ZNF597: variants seen among roughly 807,000 people sequenced by gnomAD.
ZNF597 encodes the protein zinc finger protein 597.
Under a neutral mutation model 7.3 loss-of-function variants are expected in ZNF597, and 5 were observed. The ratio of observed to expected loss-of-function variants is 0.68; its 90% CI spans 0.36 to 1.44. The LOEUF (loss-of-function observed/expected upper bound fraction) is 1.44, where lower values mean the gene tolerates loss of function less well. ZNF597 is among the 40% of genes most tolerant of loss of function. The probability of loss-of-function intolerance (pLI) is 0.04; values close to 1 mark genes in which losing one functional copy is unlikely to be tolerated. For missense variants in ZNF597, 585 were observed against 517.9 expected (o/e 1.13, Z -1.26); for synonymous variants, 209 against 185.4 (o/e 1.13, Z -1.04).
In ZNF597 at chr16:3,436,616, G is replaced by A. The variant is rs1159704003; in HGVS notation, c.1083C>T (p.Asn361=). Residue 361 remains asparagine (N), a synonymous_variant, in exon 4 of 4, where the codon AAC becomes AAT. Coordinates refer to ENST00000301744, the MANE Select transcript of ZNF597 (RefSeq NM_152457.3). Reference sequence around the variant, plus strand: ...TATGGGGCCTTTCCTCTGTATGAATGTTCTGATGGGAAATAAGCTCAGAGA... The same window carrying A: ...TATGGGGCCTTTCCTCTGTATGAATATTCTGATGGGAAATAAGCTCAGAGA... The part of the protein sequence containing the change: ...PCFSELISHQ[N]IHTEERPHKC... 2 of 1,605,458 alleles carry A rather than the reference G, an allele frequency of 1.2e-6. No individual in the cohort carries two copies. Among genetic ancestry groups the A allele is most frequent in the Non-Finnish European group, 1.7e-6 (2 of 1,175,328 alleles).
rs2034310020 is a variant in ZNF597 at position 3,436,933 on chromosome 16, C to G, written c.766G>C (p.Ala256Pro). Residue 256 changes from alanine to proline, a missense_variant, in exon 4 of 4, where the codon GCA becomes CCA. Ala to Pro is a conservative substitution (Grantham distance 27, BLOSUM62 -1). Coordinates refer to ENST00000301744, the MANE Select transcript of ZNF597 (RefSeq NM_152457.3). ...GCACTGTGGCTTTTCTGATGCTGTG[C>G]CAATCCTGGGAGCCACATAAAACCT... ...GRGFMWLPGL[A>P]QHQKSHSAEN... is the part of the protein sequence containing the mutation. 6.2e-7 allele frequency: 1 copy of G among 1,614,020 alleles called. No homozygotes were observed. Among genetic ancestry groups the G allele is most frequent in the Admixed American group, 1.7e-5 (1 of 60,000 alleles).
In ZNF597 at chr16:3,434,096, G is replaced by A. The variant is rs140661144; in HGVS notation, c.*2328C>T. On this transcript the variant is annotated 3_prime_UTR_variant, in exon 4 of 4. Transcript: ENST00000301744. ...TCTCACTTTCTGCTATATTTTCTAG[G>A]AGCCAAAACAAAAATGACAGCATAC... The A allele has an allele frequency of 6.6e-6, 1 of 152,136 alleles. No individual in the cohort carries two copies. The highest frequency in any genetic ancestry group is 1.5e-5 in the Non-Finnish European group (1 of 68,026). The allele number at this position is 152,136 out of a possible 1,614,324, so 9.4% of individuals were successfully genotyped here.
chr16:3,437,962 C>G (rs893972549), intron 3 of ZNF597, among the ~76,000 whole-genome samples: 7 of 152,186 alleles, frequency 4.6e-5, no homozygotes, highest in African/African-American at 1.4e-4. Flanking sequence ...GGCAGTGTCT[C>G]ACGTCTGTAA....
Position 3,436,951 on chromosome 16 carries a change from T to A in ZNF597, c.748A>T (p.Met250Leu), listed in dbSNP as rs1220244306. ...YTCSICGRGF[M>L]WLPGLAQHQK... ...TGCTGTGCCAATCCTGGGAGCCACA[T>A]AAAACCTCTACCACATATGCTACAT... The change falls in exon 4 of 4, where the codon ATG (methionine) becomes TTG (leucine). Residue 250 changes from methionine (M) to leucine (L), a missense_variant. Coordinates refer to ENST00000301744, the MANE Select transcript of ZNF597 (RefSeq NM_152457.3). 1.9e-6 allele frequency: 3 copies of A among 1,614,216 alleles called. No homozygotes were observed. The highest frequency in any genetic ancestry group is 2.2e-5 in the East Asian group (1 of 44,884).
In ZNF597 at chr16:3,437,302, A is replaced by G; in HGVS notation, c.397T>C (p.Ser133Pro). 1.2e-6 allele frequency: 2 copies of G among 1,614,196 alleles called. No individual in the cohort carries two copies. Among genetic ancestry groups the G allele is most frequent in the Non-Finnish European group, 1.7e-6 (2 of 1,180,038 alleles). ...AGTGTGTTGGTTCCTAAATATTCAGAGAGTTCTACTAATGGGGTGTGGTTT... is the reference window on the plus strand; with the variant it reads ...AGTGTGTTGGTTCCTAAATATTCAGGGAGTTCTACTAATGGGGTGTGGTTT... Reference protein sequence around the residue: ...IENHTPLVELSEYLGTNTLSE... With the variant: ...IENHTPLVELPEYLGTNTLSE... Residue 133 changes from serine (S) to proline (P), a missense_variant, in exon 4 of 4, where the codon TCT (serine) becomes CCT (proline). By Grantham distance (74) the Ser-to-Pro change is moderately conservative (BLOSUM62 -1). Transcript: ENST00000301744.
chr16:3,437,179 G>A lies in ZNF597; in HGVS notation c.520C>T (p.His174Tyr). ...TTCTCTCCTGAATGAATTTTCTGAT[G>A]CAAAACTAGGTATGAATGATCGCTG... is the stretch of plus-strand genomic sequence containing the variant. Reference protein sequence around the residue: ...NFSDHSYLVLHQKIHSGEKKH... With the variant: ...NFSDHSYLVLYQKIHSGEKKH... The change falls in exon 4 of 4, where the codon CAT becomes TAT. Residue 174 changes from histidine (H) to tyrosine (Y), a missense_variant. By Grantham distance (83) the His-to-Tyr change is moderately conservative (BLOSUM62 2). Transcript: ENST00000301744. The A allele has an allele frequency of 1.2e-6, 2 of 1,614,162 alleles. No homozygotes were observed. Among genetic ancestry groups the A allele is most frequent in the East Asian group, 2.2e-5 (1 of 44,890 alleles).
At chr16:3,442,991 G>T in intron 2 of ZNF597, 130 bp downstream of exon 2, 2 of 1,089,252 alleles carry the variant, frequency 1.8e-6, no homozygotes, top group Non-Finnish European at 2.8e-6. Flanking sequence ...AGAACACTTG[G>T]TCAAAGGGCT....
chr16:3,436,523 C>T lies in ZNF597; in HGVS notation c.1176G>A (p.Met392Ile). The T allele has an allele frequency of 1.9e-6, 3 of 1,614,190 alleles. No individual in the cohort carries two copies. The African/African-American group carries it at 4.0e-5, about 22-fold the overall frequency. The change falls in exon 4 of 4, where the codon ATG (methionine) becomes ATA (isoleucine). Residue 392 changes from methionine to isoleucine, a missense_variant. Coordinates refer to ENST00000301744, the MANE Select transcript of ZNF597 (RefSeq NM_152457.3). ...SELACHQKSHMLAEPFKCTVC... is the reference protein window; with the variant it reads ...SELACHQKSHILAEPFKCTVC... Reference sequence around the variant, plus strand: ...CGGTACATTTAAAAGGTTCCGCTAGCATGTGGCTCTTCTGGTGGCATGCAA... The same window carrying T: ...CGGTACATTTAAAAGGTTCCGCTAGTATGTGGCTCTTCTGGTGGCATGCAA...
intron 3 of ZNF597, among the ~76,000 whole-genome samples, chr16:3,439,658 C>G (rs934531351): frequency 6.6e-5 from 10 of 151,436 alleles, no homozygotes; most frequent in African/African-American, 2.4e-4. Flanking sequence ...AACAGTCAAA[C>G]TGACTCCAAG....
At chr16:3,442,755 G>A (rs1231908175) in intron 2 of ZNF597, among the ~76,000 whole-genome samples, 1 of 151,562 alleles carries the variant, frequency 6.6e-6, no homozygotes, top group Non-Finnish European at 1.5e-5. Flanking sequence ...AGGCTGAGGC[G>A]TAAGGATTCC....
rs748296951 is a variant in ZNF597 at position 3,436,591 on chromosome 16, T to G, written c.1108A>C (p.Lys370Gln). 1.9e-6 allele frequency: 3 copies of G among 1,608,144 alleles called. No homozygotes were observed. In the Admixed American group the frequency reaches 5.1e-5, roughly 27 times the overall value. ...AAACTTTCCTCGCATGTTTTGCACT[T>G]ATGGGGCCTTTCCTCTGTATGAATG... ...QNIHTEERPH[K>Q]CKTCEESFAL... Residue 370 changes from lysine to glutamine, a missense_variant, in exon 4 of 4, where the codon AAG becomes CAG. By Grantham distance (53) the Lys-to-Gln change is moderately conservative (BLOSUM62 1). Coordinates refer to ENST00000301744, the MANE Select transcript of ZNF597 (RefSeq NM_152457.3).
chr16:3,438,515 A>G (rs1249877337), intron 3 of ZNF597, among the ~76,000 whole-genome samples: 1 of 151,694 alleles, frequency 6.6e-6, no homozygotes, highest in African/African-American at 2.4e-5. Flanking sequence ...GTGAGCCGAG[A>G]TCGCGCCACT....
chr16:3,437,905 T>C (rs559583669), intron 3 of ZNF597, among the ~76,000 whole-genome samples: 1 of 152,142 alleles, frequency 6.6e-6, no homozygotes, highest in African/African-American at 2.4e-5. Context: ...CAATTAACAA[T>C]TGGAAAAAAG....
intron 3 of ZNF597, among the ~76,000 whole-genome samples, chr16:3,439,237 G>A (rs1029550300): frequency 6.6e-6 from 1 of 151,900 alleles, no homozygotes; most frequent in African/African-American, 2.4e-5. Flanking sequence ...AACAAAAAAA[G>A]ACAAGCATGG....
intron 3 of ZNF597, among the ~76,000 whole-genome samples, chr16:3,438,525 T>C (rs2034329398): frequency 6.6e-6 from 1 of 151,640 alleles, no homozygotes; most frequent in African/African-American, 2.4e-5. Context: ...ATCGCGCCAC[T>C]GCACTCCAGC....
intron 3 of ZNF597, among the ~76,000 whole-genome samples, chr16:3,437,755 G>C (rs58520641): frequency 0.045 from 6,716 of 150,882 alleles, 341 homozygotes; most frequent in African/African-American, 0.12. Flanking sequence ...GGAGAGAATA[G>C]CTATAACTAA....
chr16:3,437,480 G>T lies in ZNF597; in HGVS notation c.219C>A (p.Asp73Glu), dbSNP rs569327096. ...QQLSLESMEL[D>E]ELALEKYPIA... ...TGGGGTACTTTTCTAAGGCAAGCTC[G>T]TCAAGTTCCATAGACTCTAGGCTTA... Residue 73 changes from aspartate to glutamate, a missense_variant, in exon 4 of 4, where the codon GAC (aspartate) becomes GAA (glutamate). Asp to Glu is a conservative substitution (Grantham distance 45). Coordinates refer to ENST00000301744, the MANE Select transcript of ZNF597 (RefSeq NM_152457.3). 1.9e-6 allele frequency: 3 copies of T among 1,613,904 alleles called. No individual in the cohort carries two copies. Among genetic ancestry groups the T allele is most frequent in the African/African-American group, 1.3e-5 (1 of 74,898 alleles).
At chr16:3,439,556 A>G (rs1460510902) in intron 3 of ZNF597, among the ~76,000 whole-genome samples, 1 of 152,186 alleles carries the variant, frequency 6.6e-6, no homozygotes, top group Non-Finnish European at 1.5e-5. Context: ...GTCCACAGAA[A>G]AAAACTGCCT....
At chr16:3,440,550 C>T (rs1014713849) in intron 3 of ZNF597, among the ~76,000 whole-genome samples, 3 of 152,012 alleles carry the variant, frequency 2.0e-5, no homozygotes, top group Non-Finnish European at 2.9e-5. Context: ...AGGAGAATGG[C>T]GTGAACCTGG....
Sources: allele counts gnomAD v4.1 joint callset (sites outside exome capture counted in the v4.1 genomes callset), GRCh38; gene constraint gnomAD v4.1.1; transcripts MANE v1.5; gene names NCBI Gene and HGNC (gene_info 2026-07-23, HGNC 2026-07-21).